Variants in BBS2 observed in about 807,000 individuals in gnomAD.
The protein encoded by BBS2 is BBSome complex member BBS2.
Under a neutral mutation model 83.0 loss-of-function variants are expected in BBS2, and 62 were observed. The observed-to-expected ratio is 0.75, with a 90% CI of 0.61 to 0.92. BBS2 has a LOEUF of 0.92. Among genes scored for constraint, BBS2 ranks in the 40% least tolerant of loss-of-function variants. BBS2 has a pLI of 0.00. For synonymous variants in BBS2, 303 were observed against 326.1 expected, an observed-to-expected ratio of 0.93 and a Z score of 0.76; for missense variants, 784 against 901.0, an observed-to-expected ratio of 0.87 and a Z score of 1.66.
In BBS2 at chr16:56,498,472, C is replaced by T. The variant is rs556899786; in HGVS notation, c.1624G>A (p.Gly542Ser). ...AGTTTTATTTTTATATGCAGGTGGC[C>T]GCCATTCCGTAAAGATGTGAAACAC... ...QVCFTSLRNG[G>S]HLHIKIKLSG... is the part of the protein sequence containing the mutation. The change falls in exon 13 of 17, where the codon GGC (glycine) becomes AGC (serine). Residue 542 changes from glycine (G) to serine (S), a missense_variant. Coordinates refer to ENST00000245157, the MANE Select transcript of BBS2 (RefSeq NM_031885.5). 1.1e-5 allele frequency: 18 copies of T among 1,613,952 alleles called. No homozygotes were observed. Among genetic ancestry groups the T allele is most frequent in the East Asian group, 2.2e-5 (1 of 44,860 alleles).
chr16:56,511,974 A>G (rs1222868471), intron 2 of BBS2, among the ~76,000 whole-genome samples: 1 of 152,234 alleles, frequency 6.6e-6, no homozygotes, highest in African/African-American at 2.4e-5. Context: ...TGTATCCAGT[A>G]TATCCAAGAA....
At chr16:56,515,077 CCTTT>C (rs1319109407) in intron 1 of BBS2, among the ~76,000 whole-genome samples, 1 of 151,950 alleles carries the variant, frequency 6.6e-6, no homozygotes, top group African/African-American at 2.4e-5. Flanking sequence ...ATAAACACTT[CCTTT>C]ATTATCTTTC....
At chr16:56,509,804 C>T in intron 5 of BBS2, 153 bp downstream of exon 5, 1 of 670,786 alleles carries the variant, frequency 1.5e-6, no homozygotes, top group South Asian at 1.7e-5. Flanking sequence ...CTTTTCTTAC[C>T]ATAACATACA....
intron 1 of BBS2, 46 bp from the exon 2 acceptor site, chr16:56,514,726 T>C: frequency 7.1e-7 from 1 of 1,408,300 alleles, no homozygotes; most frequent in South Asian, 1.2e-5. Context: ...TATAAAAAAT[T>C]AGTATCATAC....
At chr16:56,494,436 G>C (rs1964055402) in intron 15 of BBS2, among the ~76,000 whole-genome samples, 2 of 151,946 alleles carry the variant, frequency 1.3e-5, no homozygotes, top group Admixed American at 1.3e-4. Context: ...CAACCCAGTA[G>C]CAATGAACAT....
Position 56,511,273 on chromosome 16 carries a change from C to G in BBS2, c.357G>C (p.Gly119=). ...ATGTCCCCAGCACAATTGCATTTGC[C>G]CCATCTGCTACCTAAGAAAAGTAAA... ...SDLFYREVAD[G]ANAIVLGTLG... is the part of the protein sequence containing the mutation. The change falls in exon 3 of 17, where the codon GGG becomes GGC. Residue 119 remains glycine, a synonymous_variant. Transcript: ENST00000245157. The G allele has an allele frequency of 6.2e-7, 1 of 1,613,958 alleles. No homozygotes were observed. The highest frequency in any genetic ancestry group is 1.3e-5 in the African/African-American group (1 of 75,024).
intron 17 of BBS2, chr16:56,470,863 A>G (rs1963139334): frequency 1.4e-6 from 2 of 1,400,418 alleles, no homozygotes; most frequent in Non-Finnish European, 1.9e-6. Context: ...TCATTCAACA[A>G]ACATTTATTG....
At chr16:56,513,909 C>A (rs796374177) in intron 2 of BBS2, among the ~76,000 whole-genome samples, 9 of 152,116 alleles carry the variant, frequency 5.9e-5, no homozygotes, top group African/African-American at 2.2e-4. Context: ...TATATGACCC[C>A]ATTTTACTAC....
intron 11 of BBS2, 130 bp downstream of exon 11, chr16:56,500,724 A>G: frequency 1.1e-6 from 1 of 910,678 alleles, no homozygotes; most frequent in Non-Finnish European, 1.7e-6. Context: ...GTCATGAGAA[A>G]CTTTGGGTAG....
rs191505074 is a variant in BBS2 at position 56,473,425 on chromosome 16, A to G, written c.*1-2730T>C. On this transcript the variant is annotated intron_variant, in intron 17 of 17. Coordinates refer to the BBS2 transcript ENST00000682047. ...AGATTTTTTCCAGTTCTTCACTGTC[A>G]TAATAAACGACACATCCATTGTGTC... Among the ~76,000 whole-genome samples the G allele has an allele frequency of 1.2e-3, 184 of 152,340 alleles. 1 individual carries two copies. Among genetic ancestry groups the G allele is most frequent in the African/African-American group, 4.2e-3 (173 of 41,572 alleles).
chr16:56,480,443 G>A (rs149450729), downstream of BBS2, among the ~76,000 whole-genome samples: 4 of 149,346 alleles, frequency 2.7e-5, no homozygotes, highest in African/African-American at 5.0e-5. Context: ...TTTTTGAGAC[G>A]GAGTCTCTGT....
At chr16:56,474,987 G>GT in intron 17 of BBS2, 1 of 1,607,776 alleles carries the variant, frequency 6.2e-7, no homozygotes, top group Admixed American at 1.7e-5. Context: ...ATTATTCCCC[G>GT]TAGGAGGGGC....
chr16:56,499,705 TC>T, intron 12 of BBS2, 72 bp downstream of exon 12: 1 of 1,588,196 alleles, frequency 6.3e-7, no homozygotes, highest in Admixed American at 1.7e-5. Flanking sequence ...AATGTAATTT[TC>T]CCTTTCTATG....
At chr16:56,497,494 A>G in intron 14 of BBS2, 1 of 556,068 alleles carries the variant, frequency 1.8e-6, no homozygotes, top group Non-Finnish European at 3.2e-6. Flanking sequence ...ACAAAGGAAA[A>G]TGTTAATATT....
At chr16:56,505,864 A>G in intron 7 of BBS2, 86 bp downstream of exon 7, 2 of 1,013,100 alleles carry the variant, frequency 2.0e-6, no homozygotes, top group South Asian at 2.6e-5. Flanking sequence ...TTTACATCCC[A>G]ATGTTACTGT....
chr16:56,492,310 C>A (rs1373289436), intron 15 of BBS2, among the ~76,000 whole-genome samples: 2 of 152,020 alleles, frequency 1.3e-5, no homozygotes, highest in Non-Finnish European at 2.9e-5. Flanking sequence ...TACATATAAA[C>A]AATGGAACAC....
chr16:56,473,412 G>C (rs1963296053), intron 17 of BBS2, among the ~76,000 whole-genome samples: 1 of 152,238 alleles, frequency 6.6e-6, no homozygotes, highest in South Asian at 2.1e-4. Flanking sequence ...ATTTTTTCCA[G>C]TTCTTCACTG....
intron 2 of BBS2, among the ~76,000 whole-genome samples, chr16:56,512,016 T>G (rs1474336353): frequency 2.0e-5 from 3 of 152,112 alleles, no homozygotes; most frequent in Non-Finnish European, 4.4e-5. Context: ...AGAGACAAAC[T>G]ACCAATAAAA....
intron 9 of BBS2, 56 bp from the exon 10 acceptor site, chr16:56,501,553 A>C (rs1964275424): frequency 6.2e-7 from 1 of 1,606,792 alleles, no homozygotes; most frequent in Admixed American, 1.7e-5. Context: ...AACTAATATC[A>C]ATTTTAAATA....
Sources: gnomAD v4.1 joint callset for allele counts (sites outside exome capture counted in the v4.1 genomes callset) on GRCh38, gnomAD v4.1.1 for gene constraint, MANE v1.5 for transcripts, NCBI Gene and HGNC (gene_info 2026-07-23, HGNC 2026-07-21) for gene names.